The following OPRM1 variants were observed in gnomAD, a reference collection of about 807,000 sequenced individuals.
The protein encoded by OPRM1 is opioid receptor mu 1.
A neutral mutation model predicts 31.8 loss-of-function variants in OPRM1; 27 were observed. The ratio of observed to expected loss-of-function variants is 0.85; its 90% CI spans 0.63 to 1.17. OPRM1 has a LOEUF of 1.17. Among genes scored for constraint, OPRM1 ranks in the 50% most tolerant of loss-of-function variants. OPRM1 has a pLI of 0.00. For missense variants in OPRM1, 536 were observed against 511.1 expected (o/e 1.05, Z -0.47); for synonymous variants, 196 against 189.9 (o/e 1.03, Z -0.26).
intron 3 of OPRM1, among the ~76,000 whole-genome samples, chr6:154,185,774 A>T (rs190352838): frequency 7.4e-4 from 113 of 152,356 alleles, no homozygotes; most frequent in African/African-American, 2.6e-3. Context: ...AACAAAAGCT[A>T]AAAAGAAAAA....
intron 3 of OPRM1, among the ~76,000 whole-genome samples, chr6:154,236,244 C>T (rs1256394402): frequency 6.6e-6 from 1 of 152,166 alleles, no homozygotes; most frequent in Non-Finnish European, 1.5e-5. Flanking sequence ...GACCTGCTAC[C>T]ACATGGATGA....
At chr6:154,184,004 A>G (rs1393677162) in intron 3 of OPRM1, among the ~76,000 whole-genome samples, 1 of 152,194 alleles carries the variant, frequency 6.6e-6, no homozygotes, top group Non-Finnish European at 1.5e-5. Flanking sequence ...TACACAATGT[A>G]GTACTGCTAA....
intron 3 of OPRM1, among the ~76,000 whole-genome samples, chr6:154,116,596 A>C (rs564953152): frequency 6.6e-6 from 1 of 151,898 alleles, no homozygotes; most frequent in Admixed American, 6.6e-5. Flanking sequence ...AAAAAAAAAA[A>C]AAAAGAAAAG....
chr6:154,046,249 A>G (rs927630445), intron 1 of OPRM1, among the ~76,000 whole-genome samples: 5 of 152,042 alleles, frequency 3.3e-5, no homozygotes, highest in African/African-American at 7.3e-5. Flanking sequence ...TTTTCCTTCC[A>G]TTTTTGTTCC....
intron 3 of OPRM1, among the ~76,000 whole-genome samples, chr6:154,237,335 T>TA (rs1780214829): frequency 6.6e-6 from 1 of 152,232 alleles, no homozygotes; most frequent in Non-Finnish European, 1.5e-5. Flanking sequence ...CAATGTCTTC[T>TA]AGTCCATTCC....
chr6:154,078,961 G>A (rs1788466150), intron 1 of OPRM1, among the ~76,000 whole-genome samples: 1 of 152,220 alleles, frequency 6.6e-6, no homozygotes, highest in Non-Finnish European at 1.5e-5. Context: ...AAAAGCTGGT[G>A]AAAATGTTGA....
intron 3 of OPRM1, chr6:154,154,656 C>G (rs1798639893): frequency 6.6e-6 from 1 of 152,222 alleles, no homozygotes; most frequent in South Asian, 2.1e-4. Context: ...AGCAACACTG[C>G]AGGACAAAAA....
intron 1 of OPRM1, among the ~76,000 whole-genome samples, chr6:154,053,172 GTTATC>G (rs1232912817): frequency 2.0e-5 from 3 of 152,126 alleles, no homozygotes; most frequent in African/African-American, 7.2e-5. Context: ...ATGCTTTGTG[GTTATC>G]TTAAGTAAGT....
downstream of OPRM1, among the ~76,000 whole-genome samples, chr6:154,135,884 T>C (rs1798048482): frequency 6.6e-6 from 1 of 152,086 alleles, no homozygotes; most frequent in African/African-American, 2.4e-5. Context: ...ACCCAAAACA[T>C]CAAGACTGAG....
chr6:154,047,529 C>A (rs1411198721), intron 1 of OPRM1, among the ~76,000 whole-genome samples: 2 of 151,928 alleles, frequency 1.3e-5, no homozygotes, highest in East Asian at 3.9e-4. Flanking sequence ...AGGTATTAGT[C>A]CTATCCTGGA....
chr6:154,213,251 G>C (rs1778112091), intron 3 of OPRM1: 1 of 194,156 alleles, frequency 5.2e-6, no homozygotes, highest in Admixed American at 5.5e-5. Context: ...CTTGTGAAGG[G>C]GAGTCTCTGG....
At chr6:154,166,869 G>A (rs974608170) in intron 3 of OPRM1, among the ~76,000 whole-genome samples, 1 of 152,198 alleles carries the variant, frequency 6.6e-6, no homozygotes, top group African/African-American at 2.4e-5. Context: ...GGCGGCCAGT[G>A]ATATCTTTTA....
At chr6:154,188,454 C>A (rs952979982) in intron 3 of OPRM1, among the ~76,000 whole-genome samples, 4 of 152,134 alleles carry the variant, frequency 2.6e-5, no homozygotes, top group African/African-American at 9.7e-5. Flanking sequence ...AAAAATGTAA[C>A]GCAATTCATG....
chr6:154,026,619 C>G (rs1583142903), intron 1 of OPRM1, among the ~76,000 whole-genome samples: 1 of 152,066 alleles, frequency 6.6e-6, no homozygotes, highest in East Asian at 1.9e-4. Context: ...AAGTGTGCTT[C>G]TTTGTTTCAT....
chr6:154,211,339 G>T (rs1359763023), intron 3 of OPRM1, among the ~76,000 whole-genome samples: 2 of 151,936 alleles, frequency 1.3e-5, no homozygotes, highest in African/African-American at 4.8e-5. Flanking sequence ...AACCTGGGAG[G>T]CAGAGCTTGC....
intron 3 of OPRM1, among the ~76,000 whole-genome samples, chr6:154,106,480 G>A (rs1007931494): frequency 7.2e-5 from 11 of 152,152 alleles, no homozygotes; most frequent in African/African-American, 2.4e-4. Context: ...CAAGTTGTAC[G>A]GTAAGAGTCA....
chr6:154,176,551 A>G (rs1800348541), intron 3 of OPRM1, among the ~76,000 whole-genome samples: 1 of 152,216 alleles, frequency 6.6e-6, no homozygotes, highest in African/African-American at 2.4e-5. Flanking sequence ...CCAAATCATG[A>G]GTGAACTCCC....
At chr6:154,071,076 G>A (rs769875079) in intron 1 of OPRM1, among the ~76,000 whole-genome samples, 10 of 152,178 alleles carry the variant, frequency 6.6e-5, no homozygotes, top group South Asian at 2.1e-4. Context: ...GAGCAAGCAG[G>A]TCTTCACTTT....
intron 3 of OPRM1, among the ~76,000 whole-genome samples, chr6:154,110,917 T>G (rs1237447535): frequency 7.4e-6 from 1 of 134,574 alleles, no homozygotes; most frequent in Non-Finnish European, 1.6e-5. Flanking sequence ...AAAGAGAGAA[T>G]TAGGACTCAT....
Sources: gnomAD v4.1 joint callset for allele counts (sites outside exome capture counted in the v4.1 genomes callset) on GRCh38, gnomAD v4.1.1 for gene constraint, MANE v1.5 for transcripts, NCBI Gene and HGNC (gene_info 2026-07-23, HGNC 2026-07-21) for gene names.